Variants in PTPDC1 observed in about 807,000 individuals in gnomAD.
PTPDC1 encodes the protein protein tyrosine phosphatase domain-containing protein 1.
Under a neutral mutation model 75.3 loss-of-function variants are expected in PTPDC1, and 53 were observed. That is an observed-to-expected ratio of 0.70 (90% CI 0.56 to 0.88). The LOEUF is 0.88. PTPDC1 is among the 40% of genes least tolerant of loss of function. PTPDC1 has a pLI of 0.00. For synonymous variants in PTPDC1, 349 were observed against 366.2 expected (o/e 0.95, Z 0.54); for missense variants, 925 against 998.6 (o/e 0.93, Z 0.99).
intron 1 of PTPDC1, among the ~76,000 whole-genome samples, chr9:94,033,088 C>A (rs1829758098): frequency 6.6e-6 from 1 of 151,956 alleles, no homozygotes; most frequent in Non-Finnish European, 1.5e-5. Context: ...TCTTGAATTC[C>A]TGGGCTCAAG....
chr9:94,060,366 A>G (rs1323320839), intron 1 of PTPDC1, among the ~76,000 whole-genome samples: 3 of 152,226 alleles, frequency 2.0e-5, no homozygotes, highest in African/African-American at 7.2e-5. Flanking sequence ...TCCGAGAGGA[A>G]CTTCTGAGGT....
Position 94,097,743 on chromosome 9 carries a change from C to T in PTPDC1, c.1177C>T (p.His393Tyr). The T allele has an allele frequency of 6.2e-7, 1 of 1,614,164 alleles. No homozygotes were observed. The highest frequency in any genetic ancestry group is 1.3e-5 in the African/African-American group (1 of 75,048). ...TMQLDKELLR[H>Y]DSDVSNPPNP... ...GCAGCTGGATAAAGAGTTACTGAGGCATGACAGTGATGTGTCCAACCCGCC... is the reference window on the plus strand; with the variant it reads ...GCAGCTGGATAAAGAGTTACTGAGGTATGACAGTGATGTGTCCAACCCGCC... Residue 393 changes from histidine to tyrosine, a missense_variant, in exon 6 of 9, where the codon CAT becomes TAT. Transcript: ENST00000620992.
At chr9:94,098,761 GT>G in intron 6 of PTPDC1, 182 bp downstream of exon 6, 1 of 618,238 alleles carries the variant, frequency 1.6e-6, no homozygotes, top group South Asian at 2.0e-5. Flanking sequence ...AACACAGGGT[GT>G]TTGTATGGTT....
intron 1 of PTPDC1, among the ~76,000 whole-genome samples, chr9:94,064,450 A>T (rs1463252517): frequency 6.6e-6 from 1 of 152,240 alleles, no homozygotes; most frequent in Admixed American, 6.5e-5. Flanking sequence ...TGGAAACTGT[A>T]TCATTTGAGC....
chr9:94,068,302 A>G (rs1385045888), intron 2 of PTPDC1, among the ~76,000 whole-genome samples: 1 of 152,226 alleles, frequency 6.6e-6, no homozygotes, highest in Non-Finnish European at 1.5e-5. Context: ...TTTAATAGGA[A>G]AATGATTCTG....
In PTPDC1 at chr9:94,098,412, G is replaced by C. The variant is rs773295947; in HGVS notation, c.1846G>C (p.Glu616Gln). The change falls in exon 6 of 9, where the codon GAA becomes CAA. Residue 616 changes from glutamate (E) to glutamine (Q), a missense_variant. Glu to Gln is a conservative substitution (Grantham distance 29, BLOSUM62 2). Coordinates refer to ENST00000620992, the MANE Select transcript of PTPDC1 (RefSeq NM_001253829.2). ...GSSPKAQFLV[E>Q]HETQDSKDLS... ...CAGTCCCAAAGCACAGTTCTTGGTTGAACATGAAACCCAGGACAGTAAAGA... is the reference window on the plus strand; with the variant it reads ...CAGTCCCAAAGCACAGTTCTTGGTTCAACATGAAACCCAGGACAGTAAAGA... The C allele has an allele frequency of 6.2e-7, 1 of 1,614,198 alleles. No homozygotes were observed. The highest frequency in any genetic ancestry group is 8.5e-7 in the Non-Finnish European group (1 of 1,180,046).
chr9:94,098,571 A>G lies in PTPDC1; in HGVS notation c.2005A>G (p.Met669Val), dbSNP rs760314283. Residue 669 changes from methionine (M) to valine (V), a missense_variant, in exon 6 of 9, where the codon ATG (methionine) becomes GTG (valine). Coordinates refer to ENST00000620992, the MANE Select transcript of PTPDC1 (RefSeq NM_001253829.2). The part of the protein sequence containing the change: ...EKEELKRKVE[M>V]WQKELNSRDG... Reference sequence around the variant, plus strand: ...GGAGGAACTAAAAAGGAAGGTAGAAATGTGGCAGGTATTATTAGTACTTAA... The same window carrying G: ...GGAGGAACTAAAAAGGAAGGTAGAAGTGTGGCAGGTATTATTAGTACTTAA... 16 of 1,611,936 alleles carry G rather than the reference A, an allele frequency of 9.9e-6. No individual in the cohort carries two copies. The African/African-American group carries it at 1.1e-4, about 11-fold the overall frequency.
In PTPDC1 at chr9:94,101,632, T is replaced by C. The variant is rs752061926; in HGVS notation, c.2080T>C (p.Cys694Arg). ...TGGCGAGAGGGACCCTTTCATCCTA[T>C]GCAGCTTGATGTGGTCTTGGGTGGA... ...ICGERDPFIL[C>R]SLMWSWVEQL... Residue 694 changes from cysteine to arginine, a missense_variant, in exon 7 of 9, where the codon TGC (cysteine) becomes CGC (arginine). By Grantham distance (180) the Cys-to-Arg change is radical. Coordinates refer to ENST00000620992, the MANE Select transcript of PTPDC1 (RefSeq NM_001253829.2). 6 of 1,613,946 alleles carry C rather than the reference T, an allele frequency of 3.7e-6. No individual in the cohort carries two copies. The highest frequency in any genetic ancestry group is 3.4e-6 in the Non-Finnish European group (4 of 1,179,966).
chr9:94,107,115 G>A (rs574172620), intron 8 of PTPDC1, among the ~76,000 whole-genome samples: 50 of 152,060 alleles, frequency 3.3e-4, no homozygotes, highest in African/African-American at 1.2e-3. Context: ...CACCATGCCT[G>A]GCTAAATTTT....
chr9:94,082,826 G>A (rs887155455), upstream of PTPDC1, among the ~76,000 whole-genome samples: 10 of 152,192 alleles, frequency 6.6e-5, no homozygotes, highest in African/African-American at 2.4e-4. Context: ...TTTCACCACA[G>A]AGATTATTCT....
intron 4 of PTPDC1, among the ~76,000 whole-genome samples, chr9:94,089,858 T>C (rs1294381180): frequency 3.7e-5 from 4 of 107,838 alleles, no homozygotes; most frequent in African/African-American, 1.2e-4. Context: ...CATGTGTTTT[T>C]TGGCTGCATA....
intron 2 of PTPDC1, among the ~76,000 whole-genome samples, chr9:94,068,503 T>C (rs947804641): frequency 2.0e-5 from 3 of 152,186 alleles, no homozygotes; most frequent in Non-Finnish European, 4.4e-5. Flanking sequence ...TAACACAAGA[T>C]GTCATTTTGC....
chr9:94,085,301 C>A lies in PTPDC1; in HGVS notation c.295C>A (p.Arg99=). ...PKYTKVGERL[R]HVIPGHMACS... ...GTACACAAAAGTAGGGGAGCGTTTA[C>A]GGCATGTCATTCCTGGACACATGGC... is the stretch of plus-strand genomic sequence containing the variant. The change falls in exon 2 of 9, where the codon CGG becomes AGG. Residue 99 remains arginine (R), a synonymous_variant. Transcript: ENST00000620992. The A allele has an allele frequency of 6.2e-7, 1 of 1,614,122 alleles. No individual in the cohort carries two copies. The highest frequency in any genetic ancestry group is 8.5e-7 in the Non-Finnish European group (1 of 1,179,984).
At chr9:94,069,416 T>C (rs1316537876) in intron 2 of PTPDC1, among the ~76,000 whole-genome samples, 1 of 152,210 alleles carries the variant, frequency 6.6e-6, no homozygotes, top group Non-Finnish European at 1.5e-5. Flanking sequence ...AAAATCTGCA[T>C]ATAAGTGGAC....
In PTPDC1 at chr9:94,085,437, T is replaced by A. The variant is rs781523231; in HGVS notation, c.416+15T>A. ...TACTCATCCTGGTGAGTGATCCTGTTGGTCTTTCATAGCTCTGTTGGATAC... is the reference window on the plus strand; with the variant it reads ...TACTCATCCTGGTGAGTGATCCTGTAGGTCTTTCATAGCTCTGTTGGATAC... On this transcript the variant is annotated intron_variant, in intron 2 of 8. Transcript: ENST00000620992. The A allele has an allele frequency of 2.2e-5, 35 of 1,613,712 alleles. No individual in the cohort carries two copies. In the Admixed American group the frequency reaches 5.8e-4, roughly 27 times the overall value.
At chr9:94,093,983 T>A (rs1391687717) in intron 4 of PTPDC1, among the ~76,000 whole-genome samples, 1 of 152,110 alleles carries the variant, frequency 6.6e-6, no homozygotes, top group African/African-American at 2.4e-5. Flanking sequence ...TAATACATTC[T>A]CCTAAATTTT....
At position 94,098,056 on chromosome 9, in the gene PTPDC1, T is replaced by TA. The variant is rs748971763; in HGVS notation, c.1491dup (p.His498ThrfsTer27). ...ATCCCACAGTCTCCAGAACCAGACT[T>TA]ACACAAGGAAGCCTTGGTTCGCAGC... On this transcript the variant is annotated frameshift_variant, in exon 6 of 9. Coordinates refer to ENST00000620992, the MANE Select transcript of PTPDC1 (RefSeq NM_001253829.2). LOFTEE classifies it high-confidence loss of function. 6.2e-7 allele frequency: 1 copy of TA among 1,614,208 alleles called. No homozygotes were observed. Among genetic ancestry groups the TA allele is most frequent in the Non-Finnish European group, 8.5e-7 (1 of 1,180,044 alleles).
intron 7 of PTPDC1, 31 bp downstream of exon 7, chr9:94,101,782 G>GT (rs1827852025): frequency 1.2e-5 from 16 of 1,344,394 alleles, no homozygotes; most frequent in Non-Finnish European, 1.2e-5. Flanking sequence ...GTTAATGACT[G>GT]TAACTGAGGC....
upstream of PTPDC1, among the ~76,000 whole-genome samples, chr9:94,082,953 CT>C (rs1826934094): frequency 2.0e-5 from 3 of 152,272 alleles, no homozygotes; most frequent in African/African-American, 7.2e-5. Flanking sequence ...TTACTTTTGA[CT>C]TTTCTCTGTA....
Sources: allele counts gnomAD v4.1 joint callset (sites outside exome capture counted in the v4.1 genomes callset), GRCh38; gene constraint gnomAD v4.1.1; transcripts MANE v1.5; gene names NCBI Gene and HGNC (gene_info 2026-07-23, HGNC 2026-07-21).